The following HNF4A variants were observed in gnomAD, a reference collection of about 807,000 sequenced individuals.
The protein encoded by HNF4A is hepatocyte nuclear factor 4-alpha.
A neutral mutation model predicts 52.4 loss-of-function variants in HNF4A; 15 were observed. The ratio of observed to expected loss-of-function variants is 0.29; its 90% CI spans 0.19 to 0.44. The LOEUF (loss-of-function observed/expected upper bound fraction) is 0.44, where lower values mean the gene tolerates loss of function less well. HNF4A is among the 20% of genes least tolerant of loss of function. HNF4A has a pLI of 1.00. For synonymous variants in HNF4A, 280 were observed against 264.4 expected (o/e 1.06, Z -0.57); for missense variants, 479 against 647.2 (o/e 0.74, Z 2.82).
chr20:44,419,058 G>A (rs1838294588), intron 6 of HNF4A, among the ~76,000 whole-genome samples: 1 of 152,182 alleles, frequency 6.6e-6, no homozygotes, highest in African/African-American at 2.4e-5. Context: ...TTACAGGTGT[G>A]AGCCACCGCG....
intron 2 of HNF4A, 48 bp from the exon 3 acceptor site, chr20:44,407,333 A>G (rs770043312): frequency 7.2e-7 from 1 of 1,386,406 alleles, no homozygotes; most frequent in Non-Finnish European, 1.0e-6. Context: ...CTGTCCTAAG[A>G]GGAGGAAGTT....
At chr20:44,426,710 G>A (rs777453071) in intron 8 of HNF4A, among the ~76,000 whole-genome samples, 5 of 152,160 alleles carry the variant, frequency 3.3e-5, no homozygotes, top group Non-Finnish European at 5.9e-5. Context: ...GGGAGGCTGA[G>A]GCAGGACAAT....
At chr20:44,385,057 ATCTTTTTTTTTTTTT>A (rs1354013798) in intron 1 of HNF4A, among the ~76,000 whole-genome samples, 1 of 29,922 alleles carries the variant, frequency 3.3e-5, no homozygotes, top group African/African-American at 2.2e-4. Context: ...GAACTCTGTG[ATCTTTTTTTTTTTTT>A]TTTTTTTTTT....
At chr20:44,370,703 A>T (rs1054324217) in intron 1 of HNF4A, among the ~76,000 whole-genome samples, 1 of 152,194 alleles carries the variant, frequency 6.6e-6, no homozygotes, top group East Asian at 1.9e-4. Context: ...TAGGCGCCCC[A>T]TAAGTATTTG....
intron 1 of HNF4A, among the ~76,000 whole-genome samples, chr20:44,364,524 G>A (rs1211883940): frequency 6.6e-6 from 1 of 151,754 alleles, no homozygotes; most frequent in African/African-American, 2.4e-5. Context: ...AGGCTGGAGT[G>A]CAGCGGCACG....
At position 44,419,837 on chromosome 20, in the gene HNF4A, G is replaced by C; in HGVS notation, c.853G>C (p.Glu285Gln). 6.2e-7 allele frequency: 1 copy of C among 1,614,110 alleles called. No individual in the cohort carries two copies. The highest frequency in any genetic ancestry group is 8.5e-7 in the Non-Finnish European group (1 of 1,180,010). Residue 285 changes from glutamate to glutamine, a missense_variant, in exon 7 of 10, where the codon GAG (glutamate) becomes CAG (glutamine). By Grantham distance (29) the Glu-to-Gln change is conservative (BLOSUM62 2). Coordinates refer to ENST00000316099, the MANE Select transcript of HNF4A (RefSeq NM_000457.6). ...CCAGGAGCTGCAGATCGATGACAAT[G>C]AGTATGCCTACCTCAAAGCCATCAT...
At chr20:44,419,927 T>G (rs770348557) in intron 7 of HNF4A, 51 bp downstream of exon 7, 16 of 1,577,872 alleles carry the variant, frequency 1.0e-5, no homozygotes, top group Non-Finnish European at 1.4e-5. Context: ...CAGAACGCTC[T>G]GCCAGACTTC....
chr20:44,429,137 G>C (rs927461232), intron 9 of HNF4A, among the ~76,000 whole-genome samples: 1 of 152,132 alleles, frequency 6.6e-6, no homozygotes, highest in African/African-American at 2.4e-5. Flanking sequence ...TGAGCCAGCT[G>C]GTCCGGGGTT....
chr20:44,397,248 T>C (rs2063361176), upstream of HNF4A, among the ~76,000 whole-genome samples: 1 of 152,218 alleles, frequency 6.6e-6, no homozygotes, highest in South Asian at 2.1e-4. Flanking sequence ...CACCTAAGCA[T>C]TGTCAGGATA....
intron 1 of HNF4A, among the ~76,000 whole-genome samples, chr20:44,377,432 G>C (rs2063097465): frequency 6.6e-6 from 1 of 152,026 alleles, no homozygotes; most frequent in South Asian, 2.1e-4. Context: ...CTCCTGATTC[G>C]AAAATAAAAG....
At chr20:44,367,595 C>G (rs545989581) in intron 1 of HNF4A, among the ~76,000 whole-genome samples, 1 of 149,908 alleles carries the variant, frequency 6.7e-6, no homozygotes, top group Non-Finnish European at 1.5e-5. Context: ...GAGCCAAGAT[C>G]GCACCACTGC....
Position 44,424,672 on chromosome 20 carries a change from T to C in HNF4A, c.1129+418T>C, listed in dbSNP as rs1174134830. 3.2e-6 allele frequency: 4 copies of C among 1,253,602 alleles called. No homozygotes were observed. The African/African-American group carries it at 6.1e-5, about 19-fold the overall frequency. The allele number at this position is 1,253,602 out of a possible 1,614,324, so 77.7% of individuals were successfully genotyped here. Reference sequence around the variant, plus strand: ...TAACTGAAAAGGAATCCTCTTTAGATAGGGGAGGCCACAGGAGACCTCTCT... The same window carrying C: ...TAACTGAAAAGGAATCCTCTTTAGACAGGGGAGGCCACAGGAGACCTCTCT... On this transcript the variant is annotated intron_variant, in intron 8 of 9. Transcript: ENST00000316099.
At chr20:44,382,440 T>G (rs761754309) in intron 1 of HNF4A, among the ~76,000 whole-genome samples, 2 of 152,104 alleles carry the variant, frequency 1.3e-5, no homozygotes, top group Non-Finnish European at 2.9e-5. Flanking sequence ...AGTTTCACCA[T>G]GTTGGCCAAC....
chr20:44,389,452 G>A (rs1444989875), intron 1 of HNF4A, among the ~76,000 whole-genome samples: 1 of 152,126 alleles, frequency 6.6e-6, no homozygotes, highest in Non-Finnish European at 1.5e-5. Context: ...TCATACTAAC[G>A]AAGTATTTCT....
At chr20:44,421,129 A>T (rs2063738597) in intron 7 of HNF4A, among the ~76,000 whole-genome samples, 1 of 151,510 alleles carries the variant, frequency 6.6e-6, no homozygotes, top group Non-Finnish European at 1.5e-5. Context: ...TCTCTGTTGC[A>T]AGTTATGTGC....
chr20:44,413,260 C>T (rs908043710), intron 3 of HNF4A, among the ~76,000 whole-genome samples: 1 of 152,186 alleles, frequency 6.6e-6, no homozygotes, highest in African/African-American at 2.4e-5. Flanking sequence ...CCCCCAGATC[C>T]TCTTGTTCAG....
At position 44,407,103 on chromosome 20, in the gene HNF4A, A is replaced by G. The variant is rs55934816; in HGVS notation, c.291-278A>G. On this transcript the variant is annotated intron_variant, in intron 2 of 9. Transcript: ENST00000316099. ...GCAGGGCTCTGGTACTCCAGAGGTCAAGGTTCCCAACTCAGCTCTAACACC... is the reference window on the plus strand; with the variant it reads ...GCAGGGCTCTGGTACTCCAGAGGTCGAGGTTCCCAACTCAGCTCTAACACC... Among the ~76,000 whole-genome samples, 28,071 of 152,178 alleles carry G rather than the reference A, an allele frequency of 0.18. 2,931 individuals carry two copies. Among genetic ancestry groups the G allele is most frequent in the Middle Eastern group, 0.29 (84 of 294 alleles).
chr20:44,381,490 G>A (rs6103720), intron 1 of HNF4A, among the ~76,000 whole-genome samples: 105,054 of 151,912 alleles, frequency 0.69, 36,822 homozygotes, highest in East Asian at 0.85. Context: ...TGTTGGCCAC[G>A]TGAAACTGGT....
intron 1 of HNF4A, among the ~76,000 whole-genome samples, chr20:44,404,537 G>GTGTA (rs1476645968): frequency 6.6e-6 from 1 of 151,586 alleles, no homozygotes; most frequent in East Asian, 1.9e-4. Context: ...TGTGGACTGT[G>GTGTA]TGTATGTGTA....
Sources: allele counts gnomAD v4.1 joint callset (sites outside exome capture counted in the v4.1 genomes callset), GRCh38; gene constraint gnomAD v4.1.1; transcripts MANE v1.5; gene names NCBI Gene and HGNC (gene_info 2026-07-23, HGNC 2026-07-21).